ADAMTSL3: variants seen among roughly 807,000 people sequenced by gnomAD.
ADAMTSL3 encodes the protein ADAMTS like 3.
Under a neutral mutation model 201.7 loss-of-function variants are expected in ADAMTSL3, and 128 were observed. The ratio of observed to expected loss-of-function variants is 0.63; its 90% CI spans 0.55 to 0.73. The LOEUF (loss-of-function observed/expected upper bound fraction) is 0.73. Ranked by LOEUF, ADAMTSL3 falls within the 30% of genes least tolerant of loss-of-function variation. The pLI, the probability that ADAMTSL3 is intolerant of heterozygous loss-of-function variation, is 0.00. For synonymous variants in ADAMTSL3, 738 were observed against 748.4 expected, an observed-to-expected ratio of 0.99 and a Z score of 0.23; for missense variants, 1,990 against 2,119.6, an observed-to-expected ratio of 0.94 and a Z score of 1.20.
intron 4 of ADAMTSL3, among the ~76,000 whole-genome samples, chr15:83,786,353 A>T (rs192497718): frequency 1.1e-3 from 163 of 152,272 alleles, no homozygotes; most frequent in African/African-American, 3.8e-3. Context: ...GTATATATTT[A>T]TGTGAGATAT....
At chr15:84,018,852 T>A (rs1321560084) in intron 25 of ADAMTSL3, among the ~76,000 whole-genome samples, 1 of 152,092 alleles carries the variant, frequency 6.6e-6, no homozygotes, top group South Asian at 2.1e-4. Context: ...AATGCATTTG[T>A]GTCAAAAAGC....
At chr15:83,829,082 A>G (rs1282003122) in intron 6 of ADAMTSL3, among the ~76,000 whole-genome samples, 1 of 152,110 alleles carries the variant, frequency 6.6e-6, no homozygotes, top group Non-Finnish European at 1.5e-5. Flanking sequence ...TATTGATTGG[A>G]ATAGTTTCAG....
At chr15:83,662,807 C>T (rs1340632688) in intron 2 of ADAMTSL3, among the ~76,000 whole-genome samples, 1 of 152,158 alleles carries the variant, frequency 6.6e-6, no homozygotes, top group Non-Finnish European at 1.5e-5. Context: ...ATCTAGCTTT[C>T]CAAGGGTAGG....
chr15:83,655,886 A>G, intron 2 of ADAMTSL3, 56 bp downstream of exon 2: 2 of 1,552,756 alleles, frequency 1.3e-6, no homozygotes, highest in Non-Finnish European at 1.8e-6. Context: ...GTTTACTCAG[A>G]GGCATTATTG....
chr15:83,726,423 G>C (rs1176002920), intron 3 of ADAMTSL3, among the ~76,000 whole-genome samples: 1 of 152,028 alleles, frequency 6.6e-6, no homozygotes, highest in African/African-American at 2.4e-5. Context: ...AGTAATTCCA[G>C]TACTACGTTG....
intron 7 of ADAMTSL3, among the ~76,000 whole-genome samples, chr15:83,853,697 CTTTTCAAATATT>C (rs1283093198): frequency 6.6e-6 from 1 of 152,030 alleles, no homozygotes; most frequent in Non-Finnish European, 1.5e-5. Flanking sequence ...ATTAAATTTT[CTTTTCAAATATT>C]TTACTTAGGA....
intron 22 of ADAMTSL3, among the ~76,000 whole-genome samples, chr15:83,989,443 A>C (rs1409812515): frequency 6.6e-6 from 1 of 152,236 alleles, no homozygotes; most frequent in Non-Finnish European, 1.5e-5. Flanking sequence ...GATGGAGTTT[A>C]ACTGGCAGTG....
At chr15:83,866,571 G>T (rs1366830417) in intron 8 of ADAMTSL3, among the ~76,000 whole-genome samples, 1 of 151,960 alleles carries the variant, frequency 6.6e-6, no homozygotes, top group East Asian at 1.9e-4. Flanking sequence ...AGAACACATG[G>T]ACACAGGAAG....
At chr15:83,685,743 C>T (rs11857897) in intron 2 of ADAMTSL3, among the ~76,000 whole-genome samples, 6,745 of 152,164 alleles carry the variant, frequency 0.044, 500 homozygotes, top group African/African-American at 0.15. Context: ...CTTTCTCAAA[C>T]GGAGATGATA....
chr15:83,924,136 A>G (rs1045554258), intron 17 of ADAMTSL3, 103 bp downstream of exon 17: 8 of 1,429,958 alleles, frequency 5.6e-6, no homozygotes, highest in Non-Finnish European at 7.6e-6. Context: ...CACCCAAGGT[A>G]GATGTGCTAA....
At chr15:83,682,462 C>G (rs2061488474) in intron 2 of ADAMTSL3, among the ~76,000 whole-genome samples, 1 of 152,170 alleles carries the variant, frequency 6.6e-6, no homozygotes, top group African/African-American at 2.4e-5. Context: ...TTTCACCATC[C>G]CATTCTTCTA....
intron 7 of ADAMTSL3, among the ~76,000 whole-genome samples, chr15:83,851,177 G>A (rs909799910): frequency 2.0e-5 from 3 of 152,188 alleles, no homozygotes; most frequent in Non-Finnish European, 4.4e-5. Flanking sequence ...TTCTACAAAT[G>A]TATGAAACTT....
chr15:83,704,275 GTTTC>G, intron 2 of ADAMTSL3, 110 bp from the exon 3 acceptor site: 1 of 1,487,664 alleles, frequency 6.7e-7, no homozygotes. Context: ...TTCCCTTTTT[GTTTC>G]TTGGTACAGC....
intron 2 of ADAMTSL3, among the ~76,000 whole-genome samples, chr15:83,672,359 A>G (rs1315089648): frequency 1.3e-5 from 2 of 152,142 alleles, no homozygotes; most frequent in Admixed American, 1.3e-4. Flanking sequence ...GGAAGATAGG[A>G]CTCAAAGTGT....
chr15:83,881,669 A>G (rs868100331), intron 9 of ADAMTSL3, among the ~76,000 whole-genome samples: 14 of 151,840 alleles, frequency 9.2e-5, no homozygotes, highest in Admixed American at 6.6e-5. Context: ...AGCCTAGCTG[A>G]CATGGAGAAA....
At chr15:83,870,987 T>G (rs1412662832) in intron 9 of ADAMTSL3, 28 bp downstream of exon 9, 1 of 1,602,986 alleles carries the variant, frequency 6.2e-7, no homozygotes, top group East Asian at 2.2e-5. Flanking sequence ...ATAAACTTCA[T>G]GTACCTGAAT....
intron 10 of ADAMTSL3, among the ~76,000 whole-genome samples, chr15:83,889,083 T>C (rs1281208863): frequency 2.0e-5 from 3 of 152,224 alleles, no homozygotes; most frequent in Non-Finnish European, 4.4e-5. Context: ...TTTCAGGAAA[T>C]AGAAGCATCA....
intron 6 of ADAMTSL3, 44 bp from the exon 7 acceptor site, chr15:83,838,045 C>T (rs776186333): frequency 1.2e-5 from 19 of 1,584,606 alleles, no homozygotes; most frequent in Non-Finnish European, 1.6e-5. Flanking sequence ...AGCTCCCCCT[C>T]CCCTGGCTTT....
At chr15:83,819,630 G>A (rs541123801) in intron 5 of ADAMTSL3, among the ~76,000 whole-genome samples, 181 bp from the exon 6 acceptor site, 1 of 147,424 alleles carries the variant, frequency 6.8e-6, no homozygotes, top group African/African-American at 2.5e-5. Context: ...TGATCTCTGT[G>A]GAATTTCATA....
Sources: gnomAD v4.1 joint callset for allele counts (sites outside exome capture counted in the v4.1 genomes callset) on GRCh38, gnomAD v4.1.1 for gene constraint, MANE v1.5 for transcripts, NCBI Gene and HGNC (gene_info 2026-07-23, HGNC 2026-07-21) for gene names.